LRRC69: variants seen among roughly 807,000 people sequenced by gnomAD.
LRRC69 encodes the protein leucine-rich repeat-containing protein 69.
In LRRC69, 42 loss-of-function variants were observed where a neutral mutation model predicts 37.8. The ratio of observed to expected loss-of-function variants is 1.11; its 90% confidence interval spans 0.87 to 1.44. The LOEUF (loss-of-function observed/expected upper bound fraction) is 1.44, where lower values mean the gene tolerates loss of function less well. Ranked by LOEUF, LRRC69 falls within the 40% of genes most tolerant of loss-of-function variation. The probability of loss-of-function intolerance (pLI) is 0.00; values close to 1 mark genes in which losing one functional copy is unlikely to be tolerated. For synonymous variants in LRRC69, 141 were observed against 143.1 expected (o/e 0.99, Z 0.11); for missense variants, 357 against 401.9 (o/e 0.89, Z 0.96).
At chr8:91,172,137 A>G (rs918135260) in intron 5 of LRRC69, among the ~76,000 whole-genome samples, 15 of 151,976 alleles carry the variant, frequency 9.9e-5, no homozygotes, top group Non-Finnish European at 2.1e-4. Flanking sequence ...GCCTTGATAT[A>G]TGTATATAAT....
chr8:91,188,799 T>C (rs2130608856), intron 5 of LRRC69, among the ~76,000 whole-genome samples: 1 of 152,226 alleles, frequency 6.6e-6, no homozygotes, highest in East Asian at 1.9e-4. Context: ...CATAGAAGTT[T>C]ATATATCCTT....
intron 5 of LRRC69, among the ~76,000 whole-genome samples, chr8:91,153,283 C>T (rs553649867): frequency 2.4e-4 from 36 of 151,234 alleles, no homozygotes; most frequent in African/African-American, 8.0e-4. Context: ...CTTTAACGCC[C>T]CACTGTCAAT....
intron 5 of LRRC69, among the ~76,000 whole-genome samples, chr8:91,170,392 G>C (rs1359335411): frequency 6.7e-6 from 1 of 149,068 alleles, no homozygotes; most frequent in African/African-American, 2.5e-5. Context: ...CACAGAATTG[G>C]AAAAAACTAC....
chr8:91,179,694 TA>T (rs1300920225), intron 5 of LRRC69, among the ~76,000 whole-genome samples: 1 of 152,254 alleles, frequency 6.6e-6, no homozygotes, highest in Non-Finnish European at 1.5e-5. Flanking sequence ...TGATAAATAT[TA>T]TTTTTTGGTA....
chr8:91,113,766 A>G (rs1389288058), intron 1 of LRRC69, among the ~76,000 whole-genome samples: 1 of 151,838 alleles, frequency 6.6e-6, no homozygotes, highest in Non-Finnish European at 1.5e-5. Flanking sequence ...CAGAATAAAA[A>G]GGCATTCTAC....
chr8:91,122,037 A>G (rs955573650), intron 1 of LRRC69, among the ~76,000 whole-genome samples: 1 of 152,104 alleles, frequency 6.6e-6, no homozygotes, highest in Non-Finnish European at 1.5e-5. Context: ...AGACCCTTAT[A>G]TTCTGTAAAA....
intron 7 of LRRC69, among the ~76,000 whole-genome samples, chr8:91,215,484 T>A (rs2130653754): frequency 6.6e-6 from 1 of 152,294 alleles, no homozygotes; most frequent in East Asian, 1.9e-4. Flanking sequence ...CAAAGAGTAA[T>A]ATTTGAATTT....
intron 1 of LRRC69, among the ~76,000 whole-genome samples, chr8:91,114,741 C>T (rs900101098): frequency 6.6e-6 from 1 of 151,926 alleles, no homozygotes; most frequent in Non-Finnish European, 1.5e-5. Context: ...AGGCTTATAC[C>T]ATCTAGGTTA....
At chr8:91,201,934 G>A (rs1048403651) in intron 7 of LRRC69, among the ~76,000 whole-genome samples, 28 of 152,092 alleles carry the variant, frequency 1.8e-4, no homozygotes, top group African/African-American at 4.1e-4. Context: ...GGCTGGGTGC[G>A]GTGGCTCACA....
intron 5 of LRRC69, chr8:91,157,328 C>T (rs1808853711): frequency 1.2e-5 from 20 of 1,608,468 alleles, no homozygotes; most frequent in South Asian, 3.3e-5. Context: ...GAAACATTCA[C>T]CTATGAATGG....
intron 5 of LRRC69, among the ~76,000 whole-genome samples, chr8:91,161,601 T>C (rs1269314902): frequency 1.3e-5 from 2 of 151,392 alleles, no homozygotes; most frequent in Non-Finnish European, 3.0e-5. Context: ...CATAATAATC[T>C]CTAATGATCC....
chr8:91,149,472 G>A (rs1261062047), intron 5 of LRRC69, among the ~76,000 whole-genome samples: 1 of 152,008 alleles, frequency 6.6e-6, no homozygotes, highest in Non-Finnish European at 1.5e-5. Flanking sequence ...GTACCATGCT[G>A]TTTTGGTTAC....
chr8:91,176,134 A>ATATATATTTTTTTTTTTTTTTTT, intron 5 of LRRC69, among the ~76,000 whole-genome samples: 2 of 75,710 alleles, frequency 2.6e-5, no homozygotes, highest in Non-Finnish European at 4.8e-5. Flanking sequence ...ATATATATAT[A>ATATATATTTTTTTTTTTTTTTTT]TTTTTTTTTT....
intron 1 of LRRC69, among the ~76,000 whole-genome samples, chr8:91,103,406 A>G (rs1199883835): frequency 6.6e-6 from 1 of 152,036 alleles, no homozygotes; most frequent in African/African-American, 2.4e-5. Context: ...TAAATAAAAA[A>G]TATTCTTTTT....
intron 1 of LRRC69, among the ~76,000 whole-genome samples, chr8:91,122,587 C>T (rs11783034): frequency 0.46 from 70,269 of 151,720 alleles, 17,945 homozygotes; most frequent in South Asian, 0.65. Flanking sequence ...TGTTTTCTAC[C>T]AGCATTCATG....
chr8:91,208,087 C>G (rs962633625), intron 7 of LRRC69, among the ~76,000 whole-genome samples: 1 of 152,160 alleles, frequency 6.6e-6, no homozygotes, highest in African/African-American at 2.4e-5. Flanking sequence ...TGGATTAGAG[C>G]TCACTTTATT....
At chr8:91,177,947 C>T (rs1477747787) in intron 5 of LRRC69, among the ~76,000 whole-genome samples, 1 of 149,602 alleles carries the variant, frequency 6.7e-6, no homozygotes, top group Non-Finnish European at 1.5e-5. Flanking sequence ...CTCCCGGGTT[C>T]ATGCCATTCC....
At chr8:91,203,301 C>A (rs1367238525) in intron 7 of LRRC69, among the ~76,000 whole-genome samples, 1 of 152,042 alleles carries the variant, frequency 6.6e-6, no homozygotes, top group Non-Finnish European at 1.5e-5. Context: ...GATTCTAAAT[C>A]CTGTTGTTCA....
chr8:91,186,064 T>C (rs1289863494), intron 5 of LRRC69, among the ~76,000 whole-genome samples: 1 of 152,144 alleles, frequency 6.6e-6, no homozygotes, highest in African/African-American at 2.4e-5. Flanking sequence ...TGGGAACAAT[T>C]ATAAAAATTT....
Sources: allele counts gnomAD v4.1 joint callset (sites outside exome capture counted in the v4.1 genomes callset), GRCh38; gene constraint gnomAD v4.1.1; transcripts MANE v1.5; gene names NCBI Gene and HGNC (gene_info 2026-07-23, HGNC 2026-07-21).